HELZ2: variants seen among roughly 807,000 people sequenced by gnomAD.
HELZ2 encodes 3'-5' exoribonuclease HELZ2.
HELZ2 carries 143 observed loss-of-function variants against 208.8 expected under a neutral mutation model. The ratio of observed to expected loss-of-function variants is 0.68; its 90% CI spans 0.60 to 0.79. HELZ2 has a LOEUF of 0.79. HELZ2 is among the 30% of genes least tolerant of loss of function. The probability of loss-of-function intolerance (pLI) is 0.00; values close to 1 mark genes in which losing one functional copy is unlikely to be tolerated. For missense variants in HELZ2, 3,690 were observed against 3,794.5 expected, an observed-to-expected ratio of 0.97 and a Z score of 0.72; for synonymous variants, 1,705 against 1,693.7, an observed-to-expected ratio of 1.01 and a Z score of -0.16.
At chr20:63,569,152 C>T in exon 4 of HELZ2, 1 of 1,557,430 alleles carries the variant, frequency 6.4e-7, no homozygotes, top group East Asian at 2.3e-5. Context: ...GCTCACTTGG[C>T]CACCAGCTGC....
At position 63,562,952 on chromosome 20, in the gene HELZ2, G is replaced by A. The variant is rs772680501; in HGVS notation, c.5870C>T (p.Ala1957Val). The change falls in exon 8 of 19, where the codon GCG (alanine) becomes GTG (valine). Residue 1957 changes from alanine to valine, a missense_variant. Physicochemically the swap from Ala to Val is moderately conservative, Grantham distance 64. Coordinates refer to ENST00000467148, the Ensembl canonical transcript of HELZ2. Reference sequence around the variant, plus strand: ...TGTGACGGAGTCATTCTCGGCAACCGCGCCGGTGGCCGACTCCAGGGCGCA... The same window carrying A: ...TGTGACGGAGTCATTCTCGGCAACCACGCCGGTGGCCGACTCCAGGGCGCA... 2.2e-5 allele frequency: 35 copies of A among 1,590,314 alleles called. No homozygotes were observed. The highest frequency in any genetic ancestry group is 3.3e-4 in the Middle Eastern group (2 of 6,052).
chr20:63,568,623 G>T, exon 5 of HELZ2: 1 of 1,602,224 alleles, frequency 6.2e-7, no homozygotes. Flanking sequence ...TGCTCCTCAG[G>T]CAGTGTGTCC....
At chr20:63,559,880 T>C in intron 18 of HELZ2, 48 bp downstream of exon 19, 1 of 1,590,256 alleles carries the variant, frequency 6.3e-7, no homozygotes, top group Non-Finnish European at 8.5e-7. Flanking sequence ...AGCCCAGCCC[T>C]GGCCTCACCT....
exon 8 of HELZ2, chr20:63,566,010 G>T (rs749850439): frequency 6.3e-7 from 1 of 1,596,000 alleles, no homozygotes. Flanking sequence ...ACACTGTGCC[G>T]CTCCACGCAC....
At position 63,565,644 on chromosome 20, in the gene HELZ2, C is replaced by T. The variant is rs760519392; in HGVS notation, c.3178G>A (p.Asp1060Asn). 2.5e-6 allele frequency: 4 copies of T among 1,610,754 alleles called. No homozygotes were observed. The South Asian group carries it at 4.4e-5, about 18-fold the overall frequency. Residue 1060 changes from aspartate (D) to asparagine (N), a missense_variant, in exon 8 of 19, where the codon GAC becomes AAC. Around this residue, in one of 3 missense-constraint regions of HELZ2, gnomAD observed 2,564 missense variants for 2,580.5 expected, o/e 0.99. Transcript: ENST00000467148. ...AGCTCCCCGTCCCACGGCCAGAAGT[C>T]AGCCTCTGCATCCTCAGCCTCCGTG...
chr20:63,569,358 C>A lies in HELZ2; in HGVS notation c.878G>T (p.Arg293Leu), dbSNP rs772570359. The A allele has an allele frequency of 1.9e-6, 3 of 1,606,244 alleles. No homozygotes were observed. The African/African-American group carries it at 4.0e-5, about 21-fold the overall frequency. Residue 293 changes from arginine to leucine, a missense_variant, in exon 4 of 19, where the codon CGC (arginine) becomes CTC (leucine). Physicochemically the swap from Arg to Leu is moderately radical, Grantham distance 102. This residue lies in a region of HELZ2 where 1,119 missense variants were observed against 1,193.4 expected (regional missense o/e 0.94). Transcript: ENST00000467148. Reference sequence around the variant, plus strand: ...CACGTGGCGGTTGCCAGTGTGCCAGCGCTCCATCTCCTCAGGGTGGCCGAG... The same window carrying A: ...CACGTGGCGGTTGCCAGTGTGCCAGAGCTCCATCTCCTCAGGGTGGCCGAG...
chr20:63,567,550 A>C (rs2146019496), exon 6 of HELZ2: 1 of 1,579,394 alleles, frequency 6.3e-7, no homozygotes, highest in Non-Finnish European at 8.6e-7. Context: ...CGTGTACATC[A>C]CACGGAGAGG....
rs775863120 is a variant in HELZ2 at position 63,564,744 on chromosome 20, G to A, written c.4078C>T (p.Arg1360Ter). The change falls in exon 8 of 19, where the codon CGA (arginine) becomes TGA (stop). Residue 1360 changes from arginine to a stop codon, truncating the protein, a stop_gained. Coordinates refer to ENST00000467148, the Ensembl canonical transcript of HELZ2. LOFTEE classifies it high-confidence loss of function. Reference sequence around the variant, plus strand: ...ACCTCGCACCTGGGACCCAGGTCTCGGACACTGAGGGCATCATCGAGGTTG... The same window carrying A: ...ACCTCGCACCTGGGACCCAGGTCTCAGACACTGAGGGCATCATCGAGGTTG... The A allele has an allele frequency of 3.7e-6, 6 of 1,611,598 alleles. 1 individual carries two copies. In the South Asian group the frequency reaches 6.6e-5, roughly 18 times the overall value.
At chr20:63,562,196 G>C (rs1485842616) in exon 10 of HELZ2, 1 of 1,611,956 alleles carries the variant, frequency 6.2e-7, no homozygotes, top group African/African-American at 1.3e-5. Context: ...GGAACCTGCT[G>C]GGGATCACTG....
exon 8 of HELZ2, chr20:63,563,501 C>A: frequency 6.6e-7 from 1 of 1,512,572 alleles, no homozygotes; most frequent in South Asian, 1.3e-5. Flanking sequence ...CTGCAGGGAG[C>A]CGTAGGGGAC....
rs752421595 is a variant in HELZ2 at position 63,561,898 on chromosome 20, G to A, written c.6616C>T (p.Arg2206Cys). 97 of 1,575,108 alleles carry A rather than the reference G, an allele frequency of 6.2e-5. No homozygotes were observed. Among genetic ancestry groups the A allele is most frequent in the South Asian group, 1.8e-4 (16 of 86,880 alleles). Residue 2206 changes from arginine (R) to cysteine (C), a missense_variant, in exon 11 of 19, where the codon CGT (arginine) becomes TGT (cysteine). Physicochemically the swap from Arg to Cys is radical, Grantham distance 180 (BLOSUM62 -3). Transcript: ENST00000467148. ...GGACCCCCCAGCCGCTTCTCCCCAC[G>A]GGGGGGGCCTCCGGGCTGCACCTGC...
chr20:63,560,369 C>T (rs777567203), intron 16 of HELZ2, 42 bp from the exon 18 acceptor site: 30 of 1,509,180 alleles, frequency 2.0e-5, no homozygotes, highest in Non-Finnish European at 2.5e-5. Flanking sequence ...CCTGGTGTCT[C>T]TCCTGCCCTC....
chr20:63,563,492 T>G, exon 8 of HELZ2: 1 of 1,512,990 alleles, frequency 6.6e-7, no homozygotes. Context: ...CTCGGCCAGC[T>G]GCAGGGAGCC....
At chr20:63,565,772 G>T (rs145321285) in exon 8 of HELZ2, 1 of 1,600,706 alleles carries the variant, frequency 6.2e-7, no homozygotes, top group Non-Finnish European at 8.5e-7. Context: ...CTCCGTCTGC[G>T]CTGTGGTTGC....
At chr20:63,560,532 T>C in exon 16 of HELZ2, 1 of 1,613,094 alleles carries the variant, frequency 6.2e-7, no homozygotes, top group East Asian at 2.2e-5. Flanking sequence ...CCTTCGTCCG[T>C]GGACACCAGC....
exon 14 of HELZ2, chr20:63,561,234 C>A: frequency 6.2e-7 from 1 of 1,612,820 alleles, no homozygotes; most frequent in Non-Finnish European, 8.5e-7. Flanking sequence ...TCATGCCGGT[C>A]CAGCTCGAAC....
At chr20:63,562,127 G>A (rs924016550) in exon 10 of HELZ2, 12 of 1,586,682 alleles carry the variant, frequency 7.6e-6, no homozygotes, top group African/African-American at 2.7e-5. Context: ...TGACCGCCAC[G>A]TTCTGGCTGG....
exon 16 of HELZ2, chr20:63,560,499 G>T (rs773834228): frequency 1.2e-6 from 2 of 1,611,884 alleles, no homozygotes; most frequent in Non-Finnish European, 1.7e-6. Context: ...ACCTCCTCCA[G>T]GTTGGCCTTG....
exon 8 of HELZ2, chr20:63,566,055 C>A: frequency 6.3e-7 from 1 of 1,588,756 alleles, no homozygotes; most frequent in Non-Finnish European, 8.5e-7. Context: ...TTGCCGCAGG[C>A]CCCGAAGGAG....
Sources: gnomAD v4.1 joint callset for allele counts on GRCh38, gnomAD v4.1.1 for gene constraint, gnomAD v4.1.1 regional missense constraint, MANE v1.5 for transcripts, NCBI Gene and HGNC (gene_info 2026-07-23, HGNC 2026-07-21) for gene names.